Variants in MYOZ2 observed in about 807,000 individuals in gnomAD.
The protein encoded by MYOZ2 is myozenin-2.
Under a neutral mutation model 25.4 loss-of-function variants are expected in MYOZ2, and 19 were observed. The ratio of observed to expected loss-of-function variants is 0.75; its 90% CI spans 0.52 to 1.10. MYOZ2 has a LOEUF of 1.10. Among genes scored for constraint, MYOZ2 ranks in the 50% least tolerant of loss-of-function variants. The pLI is 0.00. For synonymous variants in MYOZ2, 92 were observed against 106.9 expected, an observed-to-expected ratio of 0.86 and a Z score of 0.86; for missense variants, 270 against 317.9, an observed-to-expected ratio of 0.85 and a Z score of 1.15.
At chr4:119,144,786 A>G (rs892444164) in intron 2 of MYOZ2, among the ~76,000 whole-genome samples, 13 of 152,142 alleles carry the variant, frequency 8.5e-5, no homozygotes, top group African/African-American at 2.9e-4. Flanking sequence ...CCCACATTCT[A>G]ATTGGATTGT....
At position 119,136,615 on chromosome 4, in the gene MYOZ2, TC is replaced by T. The variant is rs1472913082; in HGVS notation, c.76+16del. On this transcript the variant is annotated intron_variant, in intron 2 of 5. Coordinates refer to ENST00000307128, the MANE Select transcript of MYOZ2 (RefSeq NM_016599.5). ...TCCATGGAAATGGTATCAATAAAAA[TC>T]CTTCGTAGCATTAATATAGCACAGC... is the stretch of plus-strand genomic sequence containing the variant. 1.9e-6 allele frequency: 3 copies of T among 1,608,684 alleles called. No individual in the cohort carries two copies. In the African/African-American group the frequency reaches 4.0e-5, roughly 21 times the overall value.
At chr4:119,170,842 G>C (rs1741933033) in intron 5 of MYOZ2, among the ~76,000 whole-genome samples, 1 of 152,096 alleles carries the variant, frequency 6.6e-6, no homozygotes, top group Non-Finnish European at 1.5e-5. Flanking sequence ...CAGCACCCAA[G>C]AAGGGTAAAT....
chr4:119,182,989 TA>T (rs968913420), intron 5 of MYOZ2, among the ~76,000 whole-genome samples: 23 of 151,990 alleles, frequency 1.5e-4, no homozygotes, highest in South Asian at 4.1e-4. Flanking sequence ...AATTCTTTAA[TA>T]AAAAAACACA....
chr4:119,159,268 A>C (rs1462773368), intron 4 of MYOZ2, among the ~76,000 whole-genome samples: 1 of 152,150 alleles, frequency 6.6e-6, no homozygotes, highest in African/African-American at 2.4e-5. Context: ...TATCTCTACA[A>C]AAAATAAATA....
chr4:119,151,171 T>G (rs1406172913), intron 3 of MYOZ2, 130 bp downstream of exon 3: 1 of 977,362 alleles, frequency 1.0e-6, no homozygotes, highest in African/African-American at 1.7e-5. Flanking sequence ...TATTTTTTTT[T>G]TATCATAATG....
At chr4:119,169,331 C>T (rs1439424297) in intron 5 of MYOZ2, among the ~76,000 whole-genome samples, 2 of 152,152 alleles carry the variant, frequency 1.3e-5, no homozygotes, top group African/African-American at 2.4e-5. Context: ...TGGTCTGGAA[C>T]CAAACCTACA....
chr4:119,164,505 G>T (rs1317418822), intron 5 of MYOZ2, 111 bp downstream of exon 5: 3 of 1,038,334 alleles, frequency 2.9e-6, no homozygotes, highest in Non-Finnish European at 4.4e-6. Context: ...TTTGAGAAAA[G>T]AATCTAAATA....
At chr4:119,144,583 G>A (rs1415574185) in intron 2 of MYOZ2, among the ~76,000 whole-genome samples, 1 of 152,268 alleles carries the variant, frequency 6.6e-6, no homozygotes, top group South Asian at 2.1e-4. Flanking sequence ...GAGTGACCCA[G>A]TTTCTCCACA....
At chr4:119,166,127 G>T (rs192690774) in intron 5 of MYOZ2, among the ~76,000 whole-genome samples, 136 of 152,152 alleles carry the variant, frequency 8.9e-4, no homozygotes, top group African/African-American at 2.8e-3. Context: ...CATCAACGTA[G>T]AAATAAAAAC....
At chr4:119,155,906 G>A (rs1741563941) in intron 3 of MYOZ2, among the ~76,000 whole-genome samples, 1 of 152,122 alleles carries the variant, frequency 6.6e-6, no homozygotes, top group Admixed American at 6.6e-5. Flanking sequence ...AAATGTCATA[G>A]TGAAAAAGAA....
chr4:119,138,926 C>A (rs564143818), intron 2 of MYOZ2, among the ~76,000 whole-genome samples: 24 of 152,132 alleles, frequency 1.6e-4, no homozygotes, highest in Admixed American at 2.6e-4. Context: ...AATATAAGAA[C>A]CAGAAATGGG....
intron 2 of MYOZ2, among the ~76,000 whole-genome samples, 154 bp downstream of exon 2, chr4:119,136,755 G>A (rs961576707): frequency 6.6e-6 from 1 of 152,116 alleles, no homozygotes; most frequent in Non-Finnish European, 1.5e-5. Flanking sequence ...AAAGCCTATG[G>A]TAACTAATCC....
intron 3 of MYOZ2, among the ~76,000 whole-genome samples, chr4:119,153,510 G>C (rs1268754924): frequency 2.0e-5 from 3 of 152,030 alleles, no homozygotes; most frequent in African/African-American, 7.2e-5. Context: ...ATCCTTATAT[G>C]ATTTTTATAC....
chr4:119,174,755 C>A (rs1435418625), intron 5 of MYOZ2, among the ~76,000 whole-genome samples: 1 of 152,068 alleles, frequency 6.6e-6, no homozygotes, highest in Non-Finnish European at 1.5e-5. Flanking sequence ...GCTCGGGTCC[C>A]CTTCCACACA....
chr4:119,158,778 T>C (rs1232249100), intron 4 of MYOZ2, among the ~76,000 whole-genome samples: 1 of 152,212 alleles, frequency 6.6e-6, no homozygotes, highest in Non-Finnish European at 1.5e-5. Context: ...TTGTCTTCTT[T>C]AATTTCGCAG....
intron 5 of MYOZ2, among the ~76,000 whole-genome samples, chr4:119,172,449 T>G (rs1490457845): frequency 6.6e-6 from 1 of 152,212 alleles, no homozygotes; most frequent in Non-Finnish European, 1.5e-5. Flanking sequence ...GAAGCTGTCC[T>G]CTTGCGCTGA....
intron 5 of MYOZ2, among the ~76,000 whole-genome samples, chr4:119,169,087 T>C (rs1214912092): frequency 6.8e-6 from 1 of 147,460 alleles, no homozygotes; most frequent in Non-Finnish European, 1.5e-5. Context: ...AATATGGCAA[T>C]CACTCCACCA....
At chr4:119,149,495 A>T (rs1032208549) in intron 2 of MYOZ2, among the ~76,000 whole-genome samples, 1 of 152,158 alleles carries the variant, frequency 6.6e-6, no homozygotes, top group Non-Finnish European at 1.5e-5. Context: ...TTAGCTGGAG[A>T]GAACAGCCTT....
chr4:119,149,054 C>A (rs1170883784), intron 2 of MYOZ2, among the ~76,000 whole-genome samples: 2 of 152,082 alleles, frequency 1.3e-5, no homozygotes, highest in African/African-American at 4.8e-5. Context: ...TTTAAATAAA[C>A]CTTCTTTTTC....
Sources: gnomAD v4.1 joint callset for allele counts (sites outside exome capture counted in the v4.1 genomes callset) on GRCh38, gnomAD v4.1.1 for gene constraint, MANE v1.5 for transcripts, NCBI Gene and HGNC (gene_info 2026-07-23, HGNC 2026-07-21) for gene names.